The following ROBO2 variants were observed in gnomAD, a reference collection of about 807,000 sequenced individuals.
ROBO2 encodes the protein roundabout homolog 2.
Under a neutral mutation model 160.8 loss-of-function variants are expected in ROBO2, and 53 were observed. That is an observed-to-expected ratio of 0.33 (90% CI 0.26 to 0.41). The LOEUF (loss-of-function observed/expected upper bound fraction) is 0.41. Ranked by LOEUF, ROBO2 falls within the 10% of genes least tolerant of loss-of-function variation. ROBO2 has a pLI of 1.00. For missense variants in ROBO2, 1,577 were observed against 1,722.4 expected (o/e 0.92, Z 1.49); for synonymous variants, 664 against 611.7 (o/e 1.09, Z -1.26).
At chr3:76,237,221 C>A (rs1320224124) in intron 2 of ROBO2, among the ~76,000 whole-genome samples, 2 of 152,156 alleles carry the variant, frequency 1.3e-5, no homozygotes, top group East Asian at 3.9e-4. Context: ...ATACCTAAAT[C>A]TTGGTGTTAA....
At chr3:76,213,207 T>C (rs1392653089) in intron 2 of ROBO2, among the ~76,000 whole-genome samples, 2 of 152,052 alleles carry the variant, frequency 1.3e-5, no homozygotes. Flanking sequence ...AAACAAACTC[T>C]AGAAAATTCA....
intron 2 of ROBO2, among the ~76,000 whole-genome samples, chr3:76,358,881 C>A (rs2075335380): frequency 6.6e-6 from 1 of 151,028 alleles, no homozygotes; most frequent in Non-Finnish European, 1.5e-5. Context: ...ATTAACTCGT[C>A]ATTTAGCATT....
chr3:77,588,963 T>C (rs977436191), intron 17 of ROBO2, 30 bp downstream of exon 18: 1 of 1,608,740 alleles, frequency 6.2e-7, no homozygotes. Context: ...TAAGAAAATC[T>C]CTTGTCTGTA....
intron 2 of ROBO2, among the ~76,000 whole-genome samples, chr3:77,325,825 A>T (rs150530175): frequency 6.6e-6 from 1 of 152,324 alleles, no homozygotes; most frequent in African/African-American, 2.4e-5. Flanking sequence ...GATAAATAGT[A>T]TTATTTTGAT....
At chr3:77,129,653 G>A (rs1205504184) in intron 2 of ROBO2, among the ~76,000 whole-genome samples, 3 of 152,136 alleles carry the variant, frequency 2.0e-5, no homozygotes, top group Admixed American at 6.5e-5. Context: ...ACGTGCGGTC[G>A]GGTGTTGTTG....
At chr3:76,973,171 TCTC>T in intron 2 of ROBO2, among the ~76,000 whole-genome samples, 1 of 152,150 alleles carries the variant, frequency 6.6e-6, no homozygotes, top group Non-Finnish European at 1.5e-5. Context: ...ACGATTTGCA[TCTC>T]CTCAGCTTTG....
intron 2 of ROBO2, among the ~76,000 whole-genome samples, chr3:75,957,705 GT>G (rs201505991): frequency 0.029 from 4,175 of 144,200 alleles, 170 homozygotes; most frequent in African/African-American, 0.097. Flanking sequence ...TACTAAGAGG[GT>G]TTTTTTTTTT....
intron 1 of ROBO2, among the ~76,000 whole-genome samples, chr3:75,908,553 T>C (rs1297569282): frequency 4.6e-5 from 7 of 152,156 alleles, no homozygotes; most frequent in African/African-American, 9.6e-5. Flanking sequence ...ATAAAATATA[T>C]GAATGTTATA....
intron 2 of ROBO2, among the ~76,000 whole-genome samples, chr3:76,777,171 C>T (rs2062326240): frequency 6.6e-6 from 1 of 151,044 alleles, no homozygotes; most frequent in South Asian, 2.1e-4. Flanking sequence ...TTAGATCCAG[C>T]AAGGCACACT....
intron 2 of ROBO2, among the ~76,000 whole-genome samples, chr3:77,023,283 T>C (rs2149515973): frequency 6.6e-6 from 1 of 152,312 alleles, no homozygotes; most frequent in Non-Finnish European, 1.5e-5. Context: ...CCCACCATGA[T>C]TGTGAGGCCT....
intron 2 of ROBO2, among the ~76,000 whole-genome samples, chr3:76,084,530 G>T (rs2068942944): frequency 6.6e-6 from 1 of 152,118 alleles, no homozygotes; most frequent in Non-Finnish European, 1.5e-5. Context: ...TTGAGGCATA[G>T]ATGCAGGAAT....
intron 2 of ROBO2, among the ~76,000 whole-genome samples, chr3:76,458,220 A>T (rs1485597535): frequency 6.6e-6 from 1 of 152,106 alleles, no homozygotes; most frequent in African/African-American, 2.4e-5. Flanking sequence ...GACAGCACCC[A>T]AGTCACCTCT....
At chr3:76,560,286 T>C (rs2084084833) in intron 2 of ROBO2, among the ~76,000 whole-genome samples, 2 of 152,112 alleles carry the variant, frequency 1.3e-5, no homozygotes, top group South Asian at 4.1e-4. Flanking sequence ...ATATTCCTTA[T>C]ATGAAACCCA....
intron 1 of ROBO2, among the ~76,000 whole-genome samples, chr3:77,061,480 C>A (rs1352637426): frequency 1.3e-5 from 2 of 152,088 alleles, no homozygotes; most frequent in Non-Finnish European, 2.9e-5. Flanking sequence ...CAAGGGTAGG[C>A]TGGGTTTCCT....
chr3:76,397,695 A>G (rs1222150583), intron 2 of ROBO2, among the ~76,000 whole-genome samples: 6 of 152,222 alleles, frequency 3.9e-5, no homozygotes, highest in African/African-American at 1.4e-4. Flanking sequence ...AAAAGAAGAC[A>G]TTTATGTAGC....
chr3:76,731,426 G>A lies in ROBO2; in HGVS notation c.110-366588G>A, dbSNP rs527824212. 2.6e-5 allele frequency among the ~76,000 whole-genome samples: 4 copies of A among 152,166 alleles called. No individual in the cohort carries two copies. In the East Asian group the frequency reaches 5.8e-4, roughly 22 times the overall value. On this transcript the variant is annotated intron_variant, in intron 2 of 26. Coordinates refer to the ROBO2 transcript ENST00000487694. ...TTTCCAGGCAAATCCTATGAGCATA[G>A]CATTGTGACCATATCCCGCTTTTTG...
At chr3:77,164,536 G>A (rs1178037960) in intron 2 of ROBO2, among the ~76,000 whole-genome samples, 5 of 145,596 alleles carry the variant, frequency 3.4e-5, no homozygotes, top group Non-Finnish European at 7.7e-5. Context: ...GAGGGAGGTG[G>A]GGGGGTCAGA....
rs540688840 is a variant in ROBO2, at chr3:77,372,293, C to T, written c.389-105121C>T. ...CTTATATCAGGAAGAGGATATTAAACGGAAAAGAGATGCATAAATCAATAT... is the reference window on the plus strand; with the variant it reads ...CTTATATCAGGAAGAGGATATTAAATGGAAAAGAGATGCATAAATCAATAT... On this transcript the variant is annotated intron_variant, in intron 2 of 25. Coordinates refer to ENST00000461745, the Ensembl canonical transcript of ROBO2. 1.2e-4 allele frequency among the ~76,000 whole-genome samples: 18 copies of T among 152,106 alleles called. No individual in the cohort carries two copies. The East Asian group carries it at 1.7e-3, about 15-fold the overall frequency.
intron 2 of ROBO2, among the ~76,000 whole-genome samples, chr3:76,099,900 T>C (rs2069611139): frequency 6.6e-6 from 1 of 152,176 alleles, no homozygotes; most frequent in Non-Finnish European, 1.5e-5. Context: ...CCACTTGATA[T>C]ATTGGCCAAA....
Sources: allele counts gnomAD v4.1 joint callset (sites outside exome capture counted in the v4.1 genomes callset), GRCh38; gene constraint gnomAD v4.1.1; transcripts MANE v1.5; gene names NCBI Gene and HGNC (gene_info 2026-07-23, HGNC 2026-07-21).